The following STX18 variants were observed in gnomAD, a reference collection of about 807,000 sequenced individuals.
STX18 encodes the protein syntaxin 18, also known as syntaxin-18.
Under a neutral mutation model 50.1 loss-of-function variants are expected in STX18, and 40 were observed. The observed-to-expected ratio is 0.80, with a 90% CI of 0.62 to 1.04. The LOEUF (loss-of-function observed/expected upper bound fraction) is 1.04. Ranked by LOEUF, STX18 falls within the 50% of genes least tolerant of loss-of-function variation. The pLI is 0.00. For synonymous variants in STX18, 158 were observed against 151.8 expected (o/e 1.04, Z -0.30); for missense variants, 410 against 415.8 (o/e 0.99, Z 0.12).
At chr4:4,498,302 C>T (rs887209318) in intron 1 of STX18, among the ~76,000 whole-genome samples, 1 of 151,904 alleles carries the variant, frequency 6.6e-6, no homozygotes, top group Non-Finnish European at 1.5e-5. Context: ...GACTTTTCTT[C>T]GCAAAATAGT....
intron 6 of STX18, among the ~76,000 whole-genome samples, chr4:4,438,045 C>G (rs1012595354): frequency 6.6e-6 from 1 of 152,228 alleles, no homozygotes; most frequent in African/African-American, 2.4e-5. Flanking sequence ...CCTGGCAGCT[C>G]AGAGCTGACA....
At chr4:4,430,449 T>C (rs1487555389) in intron 7 of STX18, among the ~76,000 whole-genome samples, 1 of 152,232 alleles carries the variant, frequency 6.6e-6, no homozygotes, top group East Asian at 1.9e-4. Flanking sequence ...TTAAATAGCC[T>C]GTCATAAAAG....
intron 1 of STX18, among the ~76,000 whole-genome samples, chr4:4,515,686 A>C (rs1388699702): frequency 6.6e-6 from 1 of 152,216 alleles, no homozygotes; most frequent in East Asian, 1.9e-4. Flanking sequence ...GGAGACATTA[A>C]GTGTACAACC....
At chr4:4,527,361 A>C (rs1730817926) in intron 1 of STX18, among the ~76,000 whole-genome samples, 1 of 152,252 alleles carries the variant, frequency 6.6e-6, no homozygotes, top group African/African-American at 2.4e-5. Context: ...AATAGCAATA[A>C]CATTTTTTAA....
chr4:4,534,658 G>A (rs541160337), intron 1 of STX18, among the ~76,000 whole-genome samples: 5 of 152,242 alleles, frequency 3.3e-5, no homozygotes, highest in Admixed American at 1.3e-4. Flanking sequence ...TGATCCTTTC[G>A]TGCCTCTGCC....
At chr4:4,523,290 G>C (rs12498614) in intron 1 of STX18, among the ~76,000 whole-genome samples, 27,922 of 152,104 alleles carry the variant, frequency 0.18, 2,788 homozygotes, top group Admixed American at 0.25. Flanking sequence ...CTCAAATGTA[G>C]TCTTTTCCCA....
intron 1 of STX18, among the ~76,000 whole-genome samples, chr4:4,502,773 G>A (rs1360050732): frequency 6.6e-6 from 1 of 152,156 alleles, no homozygotes; most frequent in East Asian, 1.9e-4. Context: ...CTGATGTCTA[G>A]GTCCCTAACC....
chr4:4,503,154 G>T (rs750020046), intron 1 of STX18, among the ~76,000 whole-genome samples: 1 of 152,200 alleles, frequency 6.6e-6, no homozygotes, highest in Non-Finnish European at 1.5e-5. Context: ...GAAGTTCCAA[G>T]AACTGCGTGG....
intron 6 of STX18, among the ~76,000 whole-genome samples, chr4:4,437,989 T>G (rs1329012248): frequency 6.6e-6 from 1 of 152,252 alleles, no homozygotes; most frequent in African/African-American, 2.4e-5. Context: ...TTGGTTTGAC[T>G]GGCTGTGCAA....
At chr4:4,481,726 G>A (rs1728473133) in intron 1 of STX18, 1 of 152,148 alleles carries the variant, frequency 6.6e-6, no homozygotes, top group Non-Finnish European at 1.5e-5. Flanking sequence ...ACACACCTCT[G>A]GAGCATGTTG....
chr4:4,496,546 C>G (rs892375011), intron 1 of STX18, among the ~76,000 whole-genome samples: 1 of 152,200 alleles, frequency 6.6e-6, no homozygotes, highest in Admixed American at 6.5e-5. Flanking sequence ...GCAACATCCA[C>G]TCTCCCACAC....
At chr4:4,472,494 G>A (rs970531916) in intron 1 of STX18, among the ~76,000 whole-genome samples, 2 of 152,198 alleles carry the variant, frequency 1.3e-5, no homozygotes, top group African/African-American at 4.8e-5. Flanking sequence ...CTTTGCACTC[G>A]TTCCAAACAC....
At chr4:4,487,573 T>C (rs1012726761) in intron 1 of STX18, among the ~76,000 whole-genome samples, 6 of 152,112 alleles carry the variant, frequency 3.9e-5, no homozygotes, top group Admixed American at 6.5e-5. Flanking sequence ...ACTCTATGCC[T>C]CCAAACTTGG....
At chr4:4,469,577 C>A (rs1024992884) in intron 2 of STX18, among the ~76,000 whole-genome samples, 1 of 152,046 alleles carries the variant, frequency 6.6e-6, no homozygotes, top group African/African-American at 2.4e-5. Flanking sequence ...ATGCTTGTAC[C>A]GCTGAATGTA....
At chr4:4,449,399 A>G (rs1212624993) in intron 5 of STX18, among the ~76,000 whole-genome samples, 1 of 152,112 alleles carries the variant, frequency 6.6e-6, no homozygotes, top group African/African-American at 2.4e-5. Flanking sequence ...AATATCCTTT[A>G]TAACAACAGC....
intron 1 of STX18, among the ~76,000 whole-genome samples, chr4:4,514,376 C>T (rs187651023): frequency 4.6e-5 from 7 of 152,272 alleles, no homozygotes; most frequent in African/African-American, 1.7e-4. Flanking sequence ...TCTCACTGGT[C>T]TCATTAAAAA....
intron 1 of STX18, among the ~76,000 whole-genome samples, chr4:4,473,906 C>T (rs1359355167): frequency 6.6e-6 from 1 of 152,148 alleles, no homozygotes; most frequent in African/African-American, 2.4e-5. Context: ...CAAAGGAAAG[C>T]CAATGAGTCA....
intron 2 of STX18, among the ~76,000 whole-genome samples, chr4:4,463,130 G>C (rs1364180466): frequency 1.3e-5 from 2 of 152,214 alleles, no homozygotes; most frequent in Admixed American, 1.3e-4. Flanking sequence ...TCCTGAGTGA[G>C]TATCCCTCCC....
At chr4:4,477,015 C>T (rs1404947252) in intron 1 of STX18, among the ~76,000 whole-genome samples, 1 of 151,948 alleles carries the variant, frequency 6.6e-6, no homozygotes, top group Non-Finnish European at 1.5e-5. Context: ...GACTGGCCAA[C>T]ATGGCGAAAC....
Sources: allele counts gnomAD v4.1 joint callset (sites outside exome capture counted in the v4.1 genomes callset), GRCh38; gene constraint gnomAD v4.1.1; transcripts MANE v1.5; gene names NCBI Gene and HGNC (gene_info 2026-07-23, HGNC 2026-07-21).